TNIK: variants seen among roughly 807,000 people sequenced by gnomAD.
TNIK encodes TRAF2 and NCK-interacting protein kinase.
In TNIK, 49 loss-of-function variants were observed where a neutral mutation model predicts 191.3. That is an observed-to-expected ratio of 0.26 (90% CI 0.20 to 0.32). The LOEUF is 0.32. TNIK is among the 10% of genes least tolerant of loss of function. The pLI is 1.00. For synonymous variants in TNIK, 594 were observed against 600.9 expected (o/e 0.99, Z 0.17); for missense variants, 1,155 against 1,702.3 (o/e 0.68, Z 5.66).
At chr3:171,215,261 T>C (rs1429515702) in intron 3 of TNIK, among the ~76,000 whole-genome samples, 1 of 152,280 alleles carries the variant, frequency 6.6e-6, no homozygotes, top group African/African-American at 2.4e-5. Flanking sequence ...TTAATGCTTT[T>C]AAGCCACTGA....
chr3:171,422,518 CTACTT>C (rs1051852356), intron 1 of TNIK, among the ~76,000 whole-genome samples: 1 of 152,138 alleles, frequency 6.6e-6, no homozygotes, highest in African/African-American at 2.4e-5. Context: ...TTTTTAAACT[CTACTT>C]TCTCAAAATG....
intron 2 of TNIK, among the ~76,000 whole-genome samples, chr3:171,310,476 A>G (rs7633494): frequency 0.36 from 55,195 of 152,080 alleles, 10,593 homozygotes; most frequent in Non-Finnish European, 0.42. Context: ...ATGTAGGGCT[A>G]TAGATTTAGA....
chr3:171,068,801 AG>A (rs1718799997), intron 30 of TNIK, 46 bp downstream of exon 30: 2 of 1,541,964 alleles, frequency 1.3e-6, no homozygotes, highest in Non-Finnish European at 8.7e-7. Flanking sequence ...TTCTACATGC[AG>A]GCTGTTGTAC....
chr3:171,389,586 A>G (rs536377786), intron 1 of TNIK, among the ~76,000 whole-genome samples: 46 of 152,280 alleles, frequency 3.0e-4, no homozygotes, highest in African/African-American at 1.0e-3. Flanking sequence ...TGCCCATTAA[A>G]CCCATCATTA....
In TNIK at chr3:171,082,246, C is replaced by T. The variant is rs1372094984; in HGVS notation, c.3313+5G>A. On this transcript the variant is annotated splice_donor_5th_base_variant and intron_variant, in intron 27 of 32. Coordinates refer to ENST00000436636, the MANE Select transcript of TNIK (RefSeq NM_015028.4). ...CCTGGGGGACTCATCATCTTAGTAA[C>T]ATACCTGAAATTGTCACAAGGACAT... The T allele has an allele frequency of 1.2e-6, 2 of 1,611,866 alleles. No individual in the cohort carries two copies. The highest frequency in any genetic ancestry group is 1.7e-5 in the Admixed American group (1 of 59,742).
intron 1 of TNIK, among the ~76,000 whole-genome samples, chr3:171,413,153 A>G (rs1722622812): frequency 6.6e-6 from 1 of 152,222 alleles, no homozygotes; most frequent in Non-Finnish European, 1.5e-5. Context: ...ATACATGATA[A>G]TATCATATGC....
chr3:171,283,183 T>A (rs1317931748), intron 2 of TNIK, among the ~76,000 whole-genome samples: 1 of 149,862 alleles, frequency 6.7e-6, no homozygotes, highest in African/African-American at 2.5e-5. Flanking sequence ...AAGCCCCTCA[T>A]GTAATGTTAG....
At chr3:171,382,959 T>C (rs1718237854) in intron 1 of TNIK, among the ~76,000 whole-genome samples, 1 of 152,184 alleles carries the variant, frequency 6.6e-6, no homozygotes, top group Admixed American at 6.5e-5. Context: ...AAGAACTGCT[T>C]CACACTGAAT....
chr3:171,374,846 T>TCATTTATC (rs372406396), intron 1 of TNIK, among the ~76,000 whole-genome samples: 1,551 of 152,326 alleles, frequency 0.01, 17 homozygotes, highest in African/African-American at 0.033. Context: ...CATGAATAGC[T>TCATTTATC]CATTTATCAC....
At chr3:171,376,731 AGATAGATAGATAGAT>A (rs1447845920) in intron 1 of TNIK, among the ~76,000 whole-genome samples, 1 of 146,928 alleles carries the variant, frequency 6.8e-6, no homozygotes, top group Non-Finnish European at 1.5e-5. Flanking sequence ...AAATATATAC[AGATAGATAGATAGAT>A]GATAGATAGA....
intron 2 of TNIK, among the ~76,000 whole-genome samples, chr3:171,312,752 A>G (rs1006426025): frequency 6.6e-6 from 1 of 152,132 alleles, no homozygotes; most frequent in African/African-American, 2.4e-5. Flanking sequence ...CACGATGTCC[A>G]GTTTATTCAT....
At chr3:171,316,567 C>T (rs1322554356) in intron 2 of TNIK, among the ~76,000 whole-genome samples, 1 of 151,948 alleles carries the variant, frequency 6.6e-6, no homozygotes, top group Admixed American at 6.6e-5. Context: ...CAAGCTGGAG[C>T]AAAGAGTATC....
intron 2 of TNIK, among the ~76,000 whole-genome samples, chr3:171,318,162 T>C (rs557947471): frequency 9.1e-4 from 138 of 152,266 alleles, no homozygotes; most frequent in Middle Eastern, 3.4e-3. Context: ...CTATATAGTT[T>C]AGCCTGAACC....
At chr3:171,351,431 C>T (rs751045192) in intron 2 of TNIK, among the ~76,000 whole-genome samples, 67 of 152,118 alleles carry the variant, frequency 4.4e-4, no homozygotes, top group Non-Finnish European at 8.4e-4. Flanking sequence ...ATCAAAAGAA[C>T]TATTCATACA....
chr3:171,449,058 C>T (rs930718723), intron 1 of TNIK, among the ~76,000 whole-genome samples: 3 of 152,036 alleles, frequency 2.0e-5, no homozygotes, highest in African/African-American at 7.2e-5. Flanking sequence ...CAGCTTCACC[C>T]ATGTCCCTGC....
chr3:171,262,883 G>A (rs1747820279), intron 2 of TNIK, among the ~76,000 whole-genome samples: 1 of 152,104 alleles, frequency 6.6e-6, no homozygotes, highest in Non-Finnish European at 1.5e-5. Flanking sequence ...ACCTGTATGG[G>A]TCAATGAAGT....
At chr3:171,097,746 C>T (rs1480029628) in intron 22 of TNIK, among the ~76,000 whole-genome samples, 1 of 152,148 alleles carries the variant, frequency 6.6e-6, no homozygotes, top group African/African-American at 2.4e-5. Flanking sequence ...TTTATACACT[C>T]TCAGGTATTT....
rs899938596 is a variant in TNIK, at chr3:171,347,280, A to G, written c.123+22340T>C. ...ACCCTAGCTCAGGCACCAAACACATAGAGCACACTCTCTTCTCTTTGACAG... is the reference window on the plus strand; with the variant it reads ...ACCCTAGCTCAGGCACCAAACACATGGAGCACACTCTCTTCTCTTTGACAG... On this transcript the variant is annotated intron_variant, in intron 2 of 32. Coordinates refer to ENST00000436636, the MANE Select transcript of TNIK (RefSeq NM_015028.4). The G allele has an allele frequency of 8.0e-6, 12 of 1,495,428 alleles. No homozygotes were observed. In the African/African-American group the frequency reaches 1.6e-4, roughly 19 times the overall value. 92.6% of individuals were successfully genotyped at this position (1,495,428 alleles called of 1,614,324 possible).
intron 1 of TNIK, among the ~76,000 whole-genome samples, chr3:171,446,363 C>T (rs1727493680): frequency 6.6e-6 from 1 of 152,056 alleles, no homozygotes; most frequent in South Asian, 2.1e-4. Context: ...TGATTACAGG[C>T]AGCTTTAAAA....
Sources: allele counts gnomAD v4.1 joint callset (sites outside exome capture counted in the v4.1 genomes callset), GRCh38; gene constraint gnomAD v4.1.1; transcripts MANE v1.5; gene names NCBI Gene and HGNC (gene_info 2026-07-23, HGNC 2026-07-21).